PPT1: variants seen among roughly 807,000 people sequenced by gnomAD.
The protein encoded by PPT1 is palmitoyl-protein thioesterase 1.
A neutral mutation model predicts 44.0 loss-of-function variants in PPT1; 24 were observed. The ratio of observed to expected loss-of-function variants is 0.54; its 90% CI spans 0.39 to 0.77. The LOEUF (loss-of-function observed/expected upper bound fraction) is 0.77, where lower values mean the gene tolerates loss of function less well. PPT1 is among the 30% of genes least tolerant of loss of function. PPT1 has a pLI of 0.00. For synonymous variants in PPT1, 148 were observed against 140.2 expected (o/e 1.06, Z -0.39); for missense variants, 341 against 378.8 (o/e 0.90, Z 0.83).
chr1:40,094,715 A>G (rs1649754038), intron 1 of PPT1, among the ~76,000 whole-genome samples: 1 of 152,176 alleles, frequency 6.6e-6, no homozygotes, highest in Non-Finnish European at 1.5e-5. Flanking sequence ...TACTTATTCC[A>G]TTTTCAACCT....
intron 8 of PPT1, 150 bp from the exon 9 acceptor site, chr1:40,074,333 T>C (rs753302390): frequency 1.7e-4 from 151 of 898,478 alleles, no homozygotes; most frequent in Non-Finnish European, 2.4e-4. Flanking sequence ...AAAAAGAATA[T>C]CTCCTACTTC....
At chr1:40,087,966 T>G (rs189628130) in intron 5 of PPT1, among the ~76,000 whole-genome samples, 36 of 151,128 alleles carry the variant, frequency 2.4e-4, no homozygotes, top group African/African-American at 8.2e-4. Flanking sequence ...AGCTATTAGC[T>G]GTAGGTGGTT....
Position 40,096,976 on chromosome 1 carries a change from C to T in PPT1, c.124+139G>A, listed in dbSNP as rs542546691. The T allele has an allele frequency of 1.7e-4, 251 of 1,459,868 alleles. 2 individuals are homozygous for T. In the South Asian group the frequency reaches 2.1e-3, roughly 12 times the overall value. The allele number at this position is 1,459,868 out of a possible 1,614,324, so 90.4% of individuals were successfully genotyped here. ...CCCCTTCTCTCTTTCCAATGCAGAT[C>T]CTTCAAATCCTAAAATGTCGAGGCA... On this transcript the variant is annotated intron_variant, in intron 1 of 8. Transcript: ENST00000642050.
At position 40,076,860 on chromosome 1, in the gene PPT1, C is replaced by A; in HGVS notation, c.780G>T (p.Glu260Asp). The A allele has an allele frequency of 6.2e-7, 1 of 1,614,162 alleles. No individual in the cohort carries two copies. The highest frequency in any genetic ancestry group is 1.1e-5 in the South Asian group (1 of 91,082). Residue 260 changes from glutamate (E) to aspartate (D), a missense_variant, in exon 8 of 9, where the codon GAG (glutamate) becomes GAT (aspartate). By Grantham distance (45) the Glu-to-Asp change is conservative (BLOSUM62 2). Transcript: ENST00000642050. ...CAGTTACCTGTGTGTACAGGGAGGT[C>A]TCCTGTAAGGGAATGGTTTCCTTGG... ...GQAKETIPLQETSLYTQDRLG... is the reference protein window; with the variant it reads ...GQAKETIPLQDTSLYTQDRLG...
At chr1:40,075,472 C>G (rs3122424) in intron 8 of PPT1, among the ~76,000 whole-genome samples, 79,564 of 145,764 alleles carry the variant, frequency 0.55, 23,312 homozygotes, top group Non-Finnish European at 0.67. Flanking sequence ...TGTAATTTCT[C>G]AAGCCTTTTT....
intron 5 of PPT1, among the ~76,000 whole-genome samples, chr1:40,084,610 C>T (rs372187053): frequency 6.6e-6 from 1 of 152,144 alleles, no homozygotes; most frequent in African/African-American, 2.4e-5. Context: ...GGCAAGAGAC[C>T]GAGGGCATGA....
chr1:40,076,598 GTT>G (rs1648643982), intron 8 of PPT1: 2 of 1,335,684 alleles, frequency 1.5e-6, no homozygotes, highest in Non-Finnish European at 1.9e-6. Context: ...GGTTTCTCTT[GTT>G]GTTTGGAAAC....
intron 8 of PPT1, among the ~76,000 whole-genome samples, chr1:40,075,669 AT>A (rs1019227871): frequency 2.1e-4 from 32 of 152,018 alleles, no homozygotes; most frequent in African/African-American, 7.5e-4. Flanking sequence ...TGTCTCCAAT[AT>A]AAAATCCTTA....
chr1:40,085,147 C>A (rs1422601085), intron 5 of PPT1, among the ~76,000 whole-genome samples: 1 of 152,170 alleles, frequency 6.6e-6, no homozygotes, highest in Admixed American at 6.5e-5. Flanking sequence ...ATGTTCCTAG[C>A]CTGCTTTCAT....
At chr1:40,072,268 A>AAAAAC (rs1557702616), downstream of PPT1, 4 of 334,082 alleles carry the variant, frequency 1.2e-5, no homozygotes, top group Non-Finnish European at 1.6e-5. Flanking sequence ...AAAAAAAAAA[A>AAAAAC]AAACCCACAT....
At chr1:40,090,492 A>T (rs191405196) in intron 4 of PPT1, among the ~76,000 whole-genome samples, 1 of 151,786 alleles carries the variant, frequency 6.6e-6, no homozygotes, top group Non-Finnish European at 1.5e-5. Context: ...GTGTGTGTGT[A>T]TATATATATA....
chr1:40,093,985 G>C (rs1199015567), intron 1 of PPT1: 14 of 716,248 alleles, frequency 2.0e-5, no homozygotes, highest in Non-Finnish European at 3.6e-5. Flanking sequence ...TTGAGGCCAA[G>C]AGTTCGAGAC....
At chr1:40,090,465 T>C (rs1436623643) in intron 4 of PPT1, among the ~76,000 whole-genome samples, 1 of 152,182 alleles carries the variant, frequency 6.6e-6, no homozygotes, top group African/African-American at 2.4e-5. Flanking sequence ...TGTATGTATG[T>C]GCATATATGT....
chr1:40,080,352 A>G (rs780995660), intron 6 of PPT1, 45 bp downstream of exon 6: 3 of 1,562,534 alleles, frequency 1.9e-6, no homozygotes, highest in Middle Eastern at 3.4e-4. Context: ...AGACCTAAAC[A>G]GGAAAAAGAA....
Position 40,073,786 on chromosome 1 carries a change from A to C in PPT1, c.*275T>G. On this transcript the variant is annotated 3_prime_UTR_variant, in exon 9 of 9. Coordinates refer to ENST00000642050, the MANE Select transcript of PPT1 (RefSeq NM_000310.4). Reference sequence around the variant, plus strand: ...GGGCACAGTTCTGGCACTGATCTGGAACAGACTCCCTTTTCTAAAACTGAA... The same window carrying C: ...GGGCACAGTTCTGGCACTGATCTGGCACAGACTCCCTTTTCTAAAACTGAA... The C allele has an allele frequency of 2.2e-6, 1 of 455,126 alleles. No individual in the cohort carries two copies. The highest frequency in any genetic ancestry group is 4.1e-6 in the Non-Finnish European group (1 of 246,390). 28.2% of individuals were successfully genotyped at this position (455,126 alleles called of 1,614,324 possible).
rs1208757133 is a variant in PPT1 at position 40,089,405 on chromosome 1, C to A, written c.536+5G>T. The A allele has an allele frequency of 3.1e-6, 5 of 1,610,032 alleles. No homozygotes were observed. Among genetic ancestry groups the A allele is most frequent in the Non-Finnish European group, 4.2e-6 (5 of 1,176,580 alleles). ...TCTGTAATCTTTTCAGCTAACCATA[C>A]ATACCGTTCCTGAACAACTTTGGAG... On this transcript the variant is annotated splice_donor_5th_base_variant and intron_variant, in intron 5 of 8. Transcript: ENST00000642050.
chr1:40,076,777 A>G (rs1036005820), intron 8 of PPT1, 65 bp downstream of exon 8: 60 of 1,611,790 alleles, frequency 3.7e-5, no homozygotes, highest in Non-Finnish European at 5.1e-5. Context: ...CAAAGAACAT[A>G]GCAGCTTCAG....
At chr1:40,084,018 A>C (rs1242006206) in intron 5 of PPT1, among the ~76,000 whole-genome samples, 1 of 152,158 alleles carries the variant, frequency 6.6e-6, no homozygotes, top group African/African-American at 2.4e-5. Context: ...GCACCACTGC[A>C]CTCCAACTTG....
At position 40,080,505 on chromosome 1, in the gene PPT1, A is replaced by G; in HGVS notation, c.537-18T>C. On this transcript the variant is annotated intron_variant, in intron 5 of 8. Transcript: ENST00000642050. ...GCACGAGGCTGTAGGAAAAAAAAAG[A>G]ATGAGGTGATCAAGCTACAGGTCAG... is the stretch of plus-strand genomic sequence containing the variant. 1 of 1,607,824 alleles carries G rather than the reference A, an allele frequency of 6.2e-7. No homozygotes were observed. The highest frequency in any genetic ancestry group is 2.2e-5 in the East Asian group (1 of 44,820).
Sources: gnomAD v4.1 joint callset for allele counts (sites outside exome capture counted in the v4.1 genomes callset) on GRCh38, gnomAD v4.1.1 for gene constraint, MANE v1.5 for transcripts, NCBI Gene and HGNC (gene_info 2026-07-23, HGNC 2026-07-21) for gene names.